PLA2G2E: variants seen among roughly 807,000 people sequenced by gnomAD.
PLA2G2E encodes phospholipase A2 group IIE.
In PLA2G2E, 14 loss-of-function variants were observed where a neutral mutation model predicts 16.5. The ratio of observed to expected loss-of-function variants is 0.85; its 90% CI spans 0.56 to 1.33. The LOEUF (loss-of-function observed/expected upper bound fraction) is 1.33, where lower values mean the gene tolerates loss of function less well. Among genes scored for constraint, PLA2G2E ranks in the 40% most tolerant of loss-of-function variants. PLA2G2E has a pLI of 0.00. For synonymous variants in PLA2G2E, 72 were observed against 77.2 expected (o/e 0.93, Z 0.36); for missense variants, 174 against 190.7 (o/e 0.91, Z 0.52).
chr1:19,920,463 AGTG>A lies in PLA2G2E; in HGVS notation c.287-17_287-15del. On this transcript the variant is annotated splice_polypyrimidine_tract_variant and intron_variant, in intron 3 of 3. Coordinates refer to ENST00000375116, the MANE Select transcript of PLA2G2E (RefSeq NM_014589.3). The surrounding 1 kb of genome is among the most constrained non-coding windows in gnomAD (Gnocchi z 4.3). ...TGGTCCTGCCGGCTGGATGGGACAA[AGTG>A]AGTCAGGGACCACAGAAGCTCAGGA... The A allele has an allele frequency of 6.2e-7, 1 of 1,612,556 alleles. No homozygotes were observed. The highest frequency in any genetic ancestry group is 8.5e-7 in the Non-Finnish European group (1 of 1,179,558).
chr1:19,923,354 G>A (rs1342570457), intron 1 of PLA2G2E, among the ~76,000 whole-genome samples, 166 bp downstream of exon 1: 4 of 152,190 alleles, frequency 2.6e-5, no homozygotes, highest in African/African-American at 4.8e-5. Flanking sequence ...TCCAGCCACC[G>A]CTGGCTCAGG....
At position 19,920,256 on chromosome 1, in the gene PLA2G2E, C is replaced by A; in HGVS notation, c.*51G>T. 6.4e-7 allele frequency: 1 copy of A among 1,556,460 alleles called. No individual in the cohort carries two copies. ...CCAATGTTCCCCAGGCCTGGGACTA[C>A]AGCAGCCCGAGGCGGGACCTCCAGG... On this transcript the variant is annotated 3_prime_UTR_variant, in exon 4 of 4. Transcript: ENST00000375116. This position sits in a 1 kb window ranked among gnomAD's most constrained non-coding sequence, Gnocchi z 4.3.
chr1:19,923,236 A>G (rs2045832955), intron 1 of PLA2G2E, among the ~76,000 whole-genome samples: 1 of 152,212 alleles, frequency 6.6e-6, no homozygotes, highest in Admixed American at 6.5e-5. Flanking sequence ...TTGGAGCCAA[A>G]CATGGAAGCT....
chr1:19,922,566 C>A, intron 2 of PLA2G2E, 51 bp downstream of exon 2: 8 of 1,603,456 alleles, frequency 5.0e-6, no homozygotes, highest in Non-Finnish European at 6.8e-6. Context: ...CTCCCAGGAT[C>A]CCCCAGCTCC....
intron 1 of PLA2G2E, 39 bp from the exon 2 acceptor site, chr1:19,922,794 A>C: frequency 6.6e-7 from 1 of 1,523,212 alleles, no homozygotes; most frequent in Non-Finnish European, 9.0e-7. Context: ...GGAGGGCCCC[A>C]CCCTCTGCAG....
Position 19,920,334 on chromosome 1 carries a change from C to G in PLA2G2E, c.402G>C (p.Leu134=). ...NRKYAHYPNK[L]CTGPTPPC ...AGCAGGGCGGGGTGGGCCCGGTGCA[C>G]AGCTTGTTGGGATAATGGGCATATT... Residue 134 remains leucine (L), a synonymous_variant, in exon 4 of 4, where the codon CTG becomes CTC. Coordinates refer to ENST00000375116, the MANE Select transcript of PLA2G2E (RefSeq NM_014589.3). This position sits in a 1 kb window ranked among gnomAD's most constrained non-coding sequence, Gnocchi z 4.3. The G allele has an allele frequency of 6.2e-7, 1 of 1,613,102 alleles. No homozygotes were observed. The highest frequency in any genetic ancestry group is 1.1e-5 in the South Asian group (1 of 91,016).
chr1:19,920,246 C>A lies in PLA2G2E; in HGVS notation c.*61G>T. On this transcript the variant is annotated 3_prime_UTR_variant, in exon 4 of 4. Transcript: ENST00000375116. The surrounding 1 kb of genome is among the most constrained non-coding windows in gnomAD (Gnocchi z 4.3). Reference sequence around the variant, plus strand: ...GCCTTTGGTGCCAATGTTCCCCAGGCCTGGGACTACAGCAGCCCGAGGCGG... The same window carrying A: ...GCCTTTGGTGCCAATGTTCCCCAGGACTGGGACTACAGCAGCCCGAGGCGG... 2 of 1,498,992 alleles carry A rather than the reference C, an allele frequency of 1.3e-6. No individual in the cohort carries two copies. Among genetic ancestry groups the A allele is most frequent in the South Asian group, 1.2e-5 (1 of 83,020 alleles). The allele number at this position is 1,498,992 out of a possible 1,614,324, so 92.9% of individuals were successfully genotyped here.
intron 3 of PLA2G2E, among the ~76,000 whole-genome samples, chr1:19,921,969 GA>G (rs1557688351): frequency 6.6e-6 from 1 of 152,232 alleles, no homozygotes; most frequent in South Asian, 2.1e-4. Context: ...GAGGCCTTGG[GA>G]GGGTGCCTGA....
At chr1:19,921,230 G>T (rs953249462) in intron 3 of PLA2G2E, among the ~76,000 whole-genome samples, 1 of 152,150 alleles carries the variant, frequency 6.6e-6, no homozygotes, top group Non-Finnish European at 1.5e-5. Flanking sequence ...GCCCACGCCC[G>T]CTATGTCAGC....
chr1:19,922,588 G>A, intron 2 of PLA2G2E, 29 bp downstream of exon 2: 1 of 1,612,614 alleles, frequency 6.2e-7, no homozygotes, highest in Non-Finnish European at 8.5e-7. Context: ...CCATCCCCAT[G>A]GAGGTCCCCC....
intron 1 of PLA2G2E, 33 bp downstream of exon 1, chr1:19,923,487 G>A: frequency 6.5e-7 from 1 of 1,540,242 alleles, no homozygotes. Context: ...TGCCAGATGG[G>A]GCAGAAGGCT....
intron 2 of PLA2G2E, 33 bp downstream of exon 2, chr1:19,922,584 C>T (rs2045824721): frequency 6.2e-7 from 1 of 1,610,728 alleles, no homozygotes; most frequent in African/African-American, 1.3e-5. Context: ...TCCTCCATCC[C>T]CATGGAGGTC....
chr1:19,923,169 A>T (rs1246254499), intron 1 of PLA2G2E, among the ~76,000 whole-genome samples: 1 of 151,982 alleles, frequency 6.6e-6, no homozygotes, highest in Admixed American at 6.5e-5. Context: ...ACCTCCCCAA[A>T]TTCTTCCCGG....
At chr1:19,922,166 A>G (rs2045821434) in intron 3 of PLA2G2E, 132 bp downstream of exon 3, 1 of 640,280 alleles carries the variant, frequency 1.6e-6, no homozygotes, top group South Asian at 2.0e-5. Context: ...GTAACGGGAA[A>G]CCCCATGCCT....
rs762121036 is a variant in PLA2G2E, at chr1:19,923,590, G to A, written c.-31C>T. ...GTTGGGGGGAAGGGAGGTGCACAAG[G>A]AGCATAAAAGGCAGCAGAAGAAAGC... is the stretch of plus-strand genomic sequence containing the variant. On this transcript the variant is annotated 5_prime_UTR_variant, in exon 1 of 4. Coordinates refer to ENST00000375116, the MANE Select transcript of PLA2G2E (RefSeq NM_014589.3). The A allele has an allele frequency of 1.7e-5, 26 of 1,543,260 alleles. No individual in the cohort carries two copies. The highest frequency in any genetic ancestry group is 7.3e-5 in the South Asian group (6 of 82,480).
rs886992139 is a variant in PLA2G2E at position 19,923,538 on chromosome 1, C to A, written c.22G>T (p.Val8Leu). 3 of 1,550,634 alleles carry A rather than the reference C, an allele frequency of 1.9e-6. No homozygotes were observed. In the Admixed American group the frequency reaches 5.9e-5, roughly 30 times the overall value. Reference sequence around the variant, plus strand: ...CACTTACCCAGGAGGCAAAGGAACACCAGCACGTGGGGAGATTTCATCCCA... The same window carrying A: ...CACTTACCCAGGAGGCAAAGGAACAACAGCACGTGGGGAGATTTCATCCCA... MKSPHVL[V>L]FLCLLVALVT... The change falls in exon 1 of 4, where the codon GTG becomes TTG. Residue 8 changes from valine to leucine, a missense_variant. Physicochemically the swap from Val to Leu is conservative, Grantham distance 32. Coordinates refer to ENST00000375116, the MANE Select transcript of PLA2G2E (RefSeq NM_014589.3).
intron 1 of PLA2G2E, 25 bp from the exon 2 acceptor site, chr1:19,922,780 A>AGAGG: frequency 6.2e-7 from 1 of 1,612,506 alleles, no homozygotes; most frequent in Non-Finnish European, 8.5e-7. Flanking sequence ...AGGGAGAGGG[A>AGAGG]GAGGGAGGGC....
chr1:19,922,674 T>A lies in PLA2G2E; in HGVS notation c.122A>T (p.Asp41Val). The A allele has an allele frequency of 6.2e-7, 1 of 1,614,030 alleles. No homozygotes were observed. The highest frequency in any genetic ancestry group is 1.6e-4 in the Middle Eastern group (1 of 6,062). ...MTGKSALQYN[D>V]YGCYCGIGGS... ...ACCGATGCCGCAGTAACAGCCATAGTCGTTGTACTGCAGGGCGGACTTGCC... is the reference window on the plus strand; with the variant it reads ...ACCGATGCCGCAGTAACAGCCATAGACGTTGTACTGCAGGGCGGACTTGCC... Residue 41 changes from aspartate to valine, a missense_variant, in exon 2 of 4, where the codon GAC (aspartate) becomes GTC (valine). Transcript: ENST00000375116.
intron 1 of PLA2G2E, 137 bp downstream of exon 1, chr1:19,923,383 C>T: frequency 1.4e-6 from 1 of 730,926 alleles, no homozygotes; most frequent in Non-Finnish European, 2.2e-6. Context: ...GCCTCAGGGT[C>T]ACCCTGGTGG....
Sources: gnomAD v4.1 joint callset for allele counts (sites outside exome capture counted in the v4.1 genomes callset) on GRCh38, gnomAD v4.1.1 for gene constraint, Gnocchi (gnomAD v3.1) non-coding constraint, MANE v1.5 for transcripts, NCBI Gene and HGNC (gene_info 2026-07-23, HGNC 2026-07-21) for gene names.